The following NCOA2 variants were observed in gnomAD, a reference collection of about 807,000 sequenced individuals.
NCOA2 encodes class E basic helix-loop-helix protein 75.
NCOA2 carries 21 observed loss-of-function variants against 145.1 expected under a neutral mutation model. That is an observed-to-expected ratio of 0.14 (90% CI 0.10 to 0.21). The LOEUF (loss-of-function observed/expected upper bound fraction) is 0.21, where lower values mean the gene tolerates loss of function less well. Ranked by LOEUF, NCOA2 falls within the 10% of genes least tolerant of loss-of-function variation. The probability of loss-of-function intolerance (pLI) is 1.00; values close to 1 mark genes in which losing one functional copy is unlikely to be tolerated. For missense variants in NCOA2, 1,472 were observed against 1,837.6 expected (o/e 0.80, Z 3.64); for synonymous variants, 619 against 637.5 (o/e 0.97, Z 0.44).
chr8:70,187,045 C>T lies in NCOA2; in HGVS notation c.260-12186G>A, dbSNP rs1816151272. 2.0e-5 allele frequency among the ~76,000 whole-genome samples: 3 copies of T among 152,296 alleles called. No individual in the cohort carries two copies. In the South Asian group the frequency reaches 6.2e-4, roughly 32 times the overall value. On this transcript the variant is annotated intron_variant, in intron 4 of 22. Coordinates refer to ENST00000452400, the MANE Select transcript of NCOA2 (RefSeq NM_006540.4). ...GGCATGGCAGTGAATCATCAACCAA[C>T]CTTCCACAACTATTTAAAGCAGTAG...
intron 6 of NCOA2, among the ~76,000 whole-genome samples, chr8:70,169,032 A>G (rs1388805491): frequency 6.6e-6 from 1 of 152,244 alleles, no homozygotes; most frequent in Non-Finnish European, 1.5e-5. Context: ...TACAACAATA[A>G]GACCAGCTAG....
the NCOA2 span, among the ~76,000 whole-genome samples, chr8:70,444,741 T>C: frequency 6.6e-6 from 1 of 152,240 alleles, no homozygotes; most frequent in African/African-American, 2.4e-5. Flanking sequence ...GGGGCTGTTG[T>C]AAGAATTAAT....
intron 2 of NCOA2, among the ~76,000 whole-genome samples, chr8:70,245,911 A>G (rs1337835873): frequency 6.6e-6 from 1 of 152,168 alleles, no homozygotes; most frequent in Non-Finnish European, 1.5e-5. Flanking sequence ...CATACTGAGA[A>G]TTAATTCCCT....
chr8:70,182,074 C>T (rs1256217237), intron 4 of NCOA2, among the ~76,000 whole-genome samples: 1 of 152,244 alleles, frequency 6.6e-6, no homozygotes, highest in East Asian at 1.9e-4. Context: ...CATTAGGAAG[C>T]ATTCTGCTAA....
intron 4 of NCOA2, among the ~76,000 whole-genome samples, chr8:70,197,484 ATTTC>A (rs934694487): frequency 4.6e-5 from 7 of 152,120 alleles, no homozygotes; most frequent in African/African-American, 1.7e-4. Flanking sequence ...AGCTTTAACG[ATTTC>A]TTTGTTGTCT....
intron 7 of NCOA2, among the ~76,000 whole-genome samples, chr8:70,164,650 T>C (rs189190776): frequency 5.9e-5 from 9 of 152,280 alleles, no homozygotes; most frequent in Admixed American, 3.9e-4. Flanking sequence ...TTTTAGGATA[T>C]AGTTTTTAAC....
chr8:70,279,229 C>T (rs1384890779), intron 2 of NCOA2, among the ~76,000 whole-genome samples: 2 of 152,188 alleles, frequency 1.3e-5, no homozygotes, highest in Non-Finnish European at 2.9e-5. Flanking sequence ...CCTGGAATTA[C>T]CCGCAGTAGG....
chr8:70,338,359 G>A (rs770226637), intron 1 of NCOA2, among the ~76,000 whole-genome samples: 1 of 152,034 alleles, frequency 6.6e-6, no homozygotes, highest in African/African-American at 2.4e-5. Context: ...ATAAATTCCT[G>A]GACACATACA....
At chr8:70,302,942 T>C (rs1252841379) in intron 1 of NCOA2, among the ~76,000 whole-genome samples, 1 of 152,198 alleles carries the variant, frequency 6.6e-6, no homozygotes, top group South Asian at 2.1e-4. Context: ...AAAAATAATA[T>C]ATCCATCACA....
At chr8:70,436,542 C>A in the NCOA2 span, among the ~76,000 whole-genome samples, 7 of 152,194 alleles carry the variant, frequency 4.6e-5, no homozygotes, top group African/African-American at 1.7e-4. Flanking sequence ...ATATCTCCTC[C>A]AGTTTGCCTA....
intron 2 of NCOA2, among the ~76,000 whole-genome samples, chr8:70,250,217 C>T (rs1823025928): frequency 2.0e-5 from 3 of 151,202 alleles, no homozygotes; most frequent in South Asian, 4.2e-4. Context: ...CATGGTGAAA[C>T]CCATCTCTAC....
At chr8:70,362,130 T>C (rs1195338098) in intron 1 of NCOA2, among the ~76,000 whole-genome samples, 3 of 152,158 alleles carry the variant, frequency 2.0e-5, no homozygotes, top group Admixed American at 1.3e-4. Flanking sequence ...ATATTTACTG[T>C]ATTGCCCTAA....
Position 70,170,074 on chromosome 8 carries a change from C to G in NCOA2, c.541+128G>C, listed in dbSNP as rs888687241. On this transcript the variant is annotated intron_variant, in intron 6 of 22. Transcript: ENST00000452400. Reference sequence around the variant, plus strand: ...ACACAAGCATCTGTAAAAAACTACCCAGTCACTCTCCTCCCCATCTGATAT... The same window carrying G: ...ACACAAGCATCTGTAAAAAACTACCGAGTCACTCTCCTCCCCATCTGATAT... 1.5e-5 allele frequency: 13 copies of G among 886,300 alleles called. No individual in the cohort carries two copies. In the African/African-American group the frequency reaches 1.9e-4, roughly 13 times the overall value. The allele number at this position is 886,300 out of a possible 1,614,324, so 54.9% of individuals were successfully genotyped here.
At chr8:70,441,764 GAGAAAGAAAAGAAAGAAGAGAAAGAA>G in the NCOA2 span, among the ~76,000 whole-genome samples, 2 of 141,328 alleles carry the variant, frequency 1.4e-5, no homozygotes, top group African/African-American at 2.6e-5. Flanking sequence ...AAGAAAGAGA[GAGAAAGAAAAGAAAGAAGAGAAAGAA>G]AGAAAGAAAG....
chr8:70,262,791 A>G (rs1824247553), intron 2 of NCOA2, among the ~76,000 whole-genome samples: 1 of 152,194 alleles, frequency 6.6e-6, no homozygotes, highest in African/African-American at 2.4e-5. Flanking sequence ...GAAGTACAGT[A>G]GTCCCCCTCA....
chr8:70,447,686 T>TC, the NCOA2 span, among the ~76,000 whole-genome samples: 2 of 145,088 alleles, frequency 1.4e-5, no homozygotes, highest in Admixed American at 1.3e-4. Flanking sequence ...TGTTTTCTTT[T>TC]TTTTTTTTTT....
intron 2 of NCOA2, among the ~76,000 whole-genome samples, chr8:70,283,199 A>G (rs561393168): frequency 1.8e-4 from 27 of 152,266 alleles, no homozygotes; most frequent in Non-Finnish European, 3.5e-4. Context: ...CAGATATTCT[A>G]GGCAAAAATC....
chr8:70,112,352 A>G lies in NCOA2; in HGVS notation c.*1280T>C. Reference sequence around the variant, plus strand: ...ATGTATACCTCACAAAAATTATACAATTAAAACACATAAGTTCTCAACTTA... The same window carrying G: ...ATGTATACCTCACAAAAATTATACAGTTAAAACACATAAGTTCTCAACTTA... On this transcript the variant is annotated 3_prime_UTR_variant, in exon 23 of 23. Transcript: ENST00000452400. 5.2e-6 allele frequency: 1 copy of G among 193,542 alleles called. No individual in the cohort carries two copies. Among genetic ancestry groups the G allele is most frequent in the Non-Finnish European group, 1.1e-5 (1 of 92,436 alleles). The allele number at this position is 193,542 out of a possible 1,614,324, so 12.0% of individuals were successfully genotyped here. A position where few individuals can be genotyped will look rare whatever the true frequency, so the allele number is the denominator to read the frequency against.
intron 4 of NCOA2, among the ~76,000 whole-genome samples, chr8:70,208,370 A>T (rs1818682594): frequency 6.6e-6 from 1 of 152,232 alleles, no homozygotes; most frequent in Admixed American, 6.5e-5. Context: ...ATCCTCCATA[A>T]TATAAAAATA....
Sources: allele counts gnomAD v4.1 joint callset (sites outside exome capture counted in the v4.1 genomes callset), GRCh38; gene constraint gnomAD v4.1.1; transcripts MANE v1.5; gene names NCBI Gene and HGNC (gene_info 2026-07-23, HGNC 2026-07-21).